The following KDELR2 variants were observed in gnomAD, a reference collection of about 807,000 sequenced individuals.
The protein encoded by KDELR2 is ER lumen protein-retaining receptor 2.
KDELR2 carries 15 observed loss-of-function variants against 23.9 expected under a neutral mutation model. The observed-to-expected ratio is 0.63, with a 90% confidence interval of 0.42 to 0.97. The LOEUF is 0.97. Among genes scored for constraint, KDELR2 ranks in the 50% least tolerant of loss-of-function variants. The probability of loss-of-function intolerance (pLI) is 0.00; values close to 1 mark genes in which losing one functional copy is unlikely to be tolerated. For synonymous variants in KDELR2, 119 were observed against 106.2 expected (o/e 1.12, Z -0.74); for missense variants, 272 against 254.6 (o/e 1.07, Z -0.46).
In KDELR2 at chr7:6,466,112, G is replaced by A; in HGVS notation, c.563C>T (p.Thr188Ile). 7 of 1,614,088 alleles carry A rather than the reference G, an allele frequency of 4.3e-6. No homozygotes were observed. Among genetic ancestry groups the A allele is most frequent in the Non-Finnish European group, 5.1e-6 (6 of 1,180,000 alleles). The change falls in exon 4 of 5, where the codon ACC (threonine) becomes ATC (isoleucine). Residue 188 changes from threonine (T) to isoleucine (I), a missense_variant. Coordinates refer to ENST00000258739, the MANE Select transcript of KDELR2 (RefSeq NM_006854.4). ...GTAGAAGAAGTCACAGTATAGGATG[G>A]TCTGGACTACGCCGGCCACCACAGC... The part of the protein sequence containing the change: ...LIAVVAGVVQ[T>I]ILYCDFFYLY...
intron 1 of KDELR2, among the ~76,000 whole-genome samples, chr7:6,480,351 T>A (rs1486803660): frequency 6.6e-6 from 1 of 152,160 alleles, no homozygotes; most frequent in Non-Finnish European, 1.5e-5. Context: ...AGGACAAAAA[T>A]AAAGTGACAA....
At chr7:6,471,847 T>C (rs2115328046) in intron 2 of KDELR2, among the ~76,000 whole-genome samples, 1 of 152,292 alleles carries the variant, frequency 6.6e-6, no homozygotes, top group South Asian at 2.1e-4. Flanking sequence ...TTTTCACTTC[T>C]CTTGGGTATG....
intron 1 of KDELR2, among the ~76,000 whole-genome samples, chr7:6,480,212 C>T (rs1490116776): frequency 1.3e-5 from 2 of 152,202 alleles, no homozygotes; most frequent in East Asian, 3.8e-4. Flanking sequence ...CAGTAATACA[C>T]ACTACTAATA....
chr7:6,472,233 G>C (rs1785661866), intron 2 of KDELR2, among the ~76,000 whole-genome samples: 1 of 152,178 alleles, frequency 6.6e-6, no homozygotes, highest in Non-Finnish European at 1.5e-5. Flanking sequence ...TCACAGCAGA[G>C]AGGCCTCTCA....
chr7:6,470,327 C>T (rs985616123), intron 2 of KDELR2: 2 of 152,262 alleles, frequency 1.3e-5, no homozygotes, highest in Non-Finnish European at 2.9e-5. Context: ...GAGAATCTCC[C>T]ACCAGAGATA....
At chr7:6,481,365 C>CA (rs11388243) in intron 1 of KDELR2, among the ~76,000 whole-genome samples, 92,827 of 117,384 alleles carry the variant, frequency 0.79, 36,455 homozygotes, top group Non-Finnish European at 0.86. Flanking sequence ...AAGTTCATCT[C>CA]AAAAAAAAAA....
chr7:6,478,834 G>C lies in KDELR2; in HGVS notation c.92-4550C>G, dbSNP rs571001033. On this transcript the variant is annotated intron_variant, in intron 1 of 4. Coordinates refer to ENST00000258739, the MANE Select transcript of KDELR2 (RefSeq NM_006854.4). ...CAAGAGTTTCATTCTTGTCGCCCAG[G>C]CTGGAGTGCAGTGGTGCGATCTCGG... Among the ~76,000 whole-genome samples the C allele has an allele frequency of 2.0e-5, 3 of 152,096 alleles. No individual in the cohort carries two copies. In the East Asian group the frequency reaches 5.8e-4, roughly 29 times the overall value.
At chr7:6,483,276 G>T (rs942104362) in intron 1 of KDELR2, among the ~76,000 whole-genome samples, 23 of 152,228 alleles carry the variant, frequency 1.5e-4, no homozygotes, top group African/African-American at 4.8e-4. Flanking sequence ...AAACCAGATC[G>T]TTTCCCAAAG....
At chr7:6,465,923 A>G (rs1200413896) in intron 4 of KDELR2, 148 bp downstream of exon 4, 4 of 818,454 alleles carry the variant, frequency 4.9e-6, no homozygotes, top group Non-Finnish European at 7.7e-6. Flanking sequence ...AAAAGACAAC[A>G]TCCTGATCCA....
chr7:6,464,772 G>C (rs1165775261), intron 4 of KDELR2, among the ~76,000 whole-genome samples: 1 of 93,454 alleles, frequency 1.1e-5, no homozygotes, highest in African/African-American at 4.2e-5. Flanking sequence ...TTTTGCTCTT[G>C]TTCCCTAGGC....
At chr7:6,473,643 A>G (rs1256733326) in intron 2 of KDELR2, among the ~76,000 whole-genome samples, 1 of 152,252 alleles carries the variant, frequency 6.6e-6, no homozygotes, top group Non-Finnish European at 1.5e-5. Context: ...AAATGATGGT[A>G]TAGAGATCAT....
chr7:6,476,060 G>A (rs1186449020), intron 1 of KDELR2, among the ~76,000 whole-genome samples: 1 of 152,018 alleles, frequency 6.6e-6, no homozygotes, highest in Admixed American at 6.5e-5. Context: ...CTACAGGTGG[G>A]TGCACCACCA....
intron 1 of KDELR2, among the ~76,000 whole-genome samples, chr7:6,480,578 G>A (rs781352044): frequency 3.3e-5 from 5 of 152,128 alleles, no homozygotes; most frequent in Non-Finnish European, 7.3e-5. Flanking sequence ...GCTTCCACAC[G>A]AGTCAGCCTC....
intron 1 of KDELR2, among the ~76,000 whole-genome samples, chr7:6,476,678 C>G (rs1362321350): frequency 6.6e-6 from 1 of 152,106 alleles, no homozygotes; most frequent in Non-Finnish European, 1.5e-5. Context: ...TTTACCAGCC[C>G]CCGTGGGGAC....
chr7:6,463,179 G>T lies in KDELR2; in HGVS notation c.605-4C>A, dbSNP rs771313549. 1.7e-5 allele frequency: 28 copies of T among 1,604,900 alleles called. No individual in the cohort carries two copies. Among genetic ancestry groups the T allele is most frequent in the Non-Finnish European group, 2.3e-5 (27 of 1,176,860 alleles). On this transcript the variant is annotated splice_polypyrimidine_tract_variant and splice_region_variant and intron_variant, in intron 4 of 4. Transcript: ENST00000258739. ...CTGAGCTTCTTTCCCTTGAGTACTAGAATTTCAAAGAGAAGAAAAGAAAAC... is the reference window on the plus strand; with the variant it reads ...CTGAGCTTCTTTCCCTTGAGTACTATAATTTCAAAGAGAAGAAAAGAAAAC...
At chr7:6,467,353 G>A (rs971540957) in intron 3 of KDELR2, among the ~76,000 whole-genome samples, 4 of 152,148 alleles carry the variant, frequency 2.6e-5, no homozygotes, top group Non-Finnish European at 1.5e-5. Flanking sequence ...TTCTGGTGTG[G>A]TTAAATCAAA....
rs768533386 is a variant in KDELR2 at position 6,484,066 on chromosome 7, C to CGGCGGT, written c.-15_-10dup. On this transcript the variant is annotated 5_prime_UTR_variant, in exon 1 of 5. Transcript: ENST00000258739. ...AGCCGGAAAATGTTCATGGCGGCGG[C>CGGCGGT]GGCGGTGGCGGTCGGCGCAGCGCGG... 19 of 1,484,804 alleles carry CGGCGGT rather than the reference C, an allele frequency of 1.3e-5. No individual in the cohort carries two copies. Among genetic ancestry groups the CGGCGGT allele is most frequent in the Non-Finnish European group, 1.7e-5 (19 of 1,112,590 alleles). 92.0% of individuals were successfully genotyped at this position (1,484,804 alleles called of 1,614,324 possible).
intron 4 of KDELR2, among the ~76,000 whole-genome samples, chr7:6,465,074 T>C (rs1785472465): frequency 7.4e-6 from 1 of 134,496 alleles, no homozygotes; most frequent in Non-Finnish European, 1.7e-5. Context: ...CCATTAGGAA[T>C]TTTATTGTAT....
At chr7:6,478,128 C>T (rs546835823) in intron 1 of KDELR2, among the ~76,000 whole-genome samples, 1 of 151,970 alleles carries the variant, frequency 6.6e-6, no homozygotes, top group South Asian at 2.1e-4. Context: ...GTGGTATGTA[C>T]TGCTGTTCTT....
Sources: allele counts gnomAD v4.1 joint callset (sites outside exome capture counted in the v4.1 genomes callset), GRCh38; gene constraint gnomAD v4.1.1; transcripts MANE v1.5; gene names NCBI Gene and HGNC (gene_info 2026-07-23, HGNC 2026-07-21).